SERPINE2: variants seen among roughly 807,000 people sequenced by gnomAD.
SERPINE2 encodes the protein glia-derived nexin.
Under a neutral mutation model 36.3 loss-of-function variants are expected in SERPINE2, and 14 were observed. The observed-to-expected ratio is 0.39, with a 90% confidence interval of 0.25 to 0.60. The LOEUF (loss-of-function observed/expected upper bound fraction) is 0.60, where lower values mean the gene tolerates loss of function less well. Among genes scored for constraint, SERPINE2 ranks in the 20% least tolerant of loss-of-function variants. SERPINE2 has a pLI of 0.57. For missense variants in SERPINE2, 418 were observed against 499.6 expected, an observed-to-expected ratio of 0.84 and a Z score of 1.56; for synonymous variants, 192 against 191.8, an observed-to-expected ratio of 1.00 and a Z score of -0.01.
intron 2 of SERPINE2, among the ~76,000 whole-genome samples, chr2:223,999,640 A>G (rs1691031512): frequency 6.6e-6 from 1 of 152,222 alleles, no homozygotes; most frequent in Non-Finnish European, 1.5e-5. Context: ...GGAGGCTGAA[A>G]GACAATTCCA....
chr2:224,031,179 C>T (rs1166820954), intron 1 of SERPINE2: 3 of 985,292 alleles, frequency 3.0e-6, no homozygotes, highest in Non-Finnish European at 3.6e-6. Context: ...AGACCCGGGT[C>T]CAGGCTCTGG....
At chr2:224,001,619 AGT>A (rs1427688546) in intron 2 of SERPINE2, 21 bp downstream of exon 2, 3 of 1,600,272 alleles carry the variant, frequency 1.9e-6, no homozygotes, top group Non-Finnish European at 2.6e-6. Context: ...AGGCTCCGCC[AGT>A]GAGCAATTGT....
chr2:224,009,653 C>T (rs1313236615), intron 1 of SERPINE2, among the ~76,000 whole-genome samples: 1 of 151,884 alleles, frequency 6.6e-6, no homozygotes, highest in Non-Finnish European at 1.5e-5. Flanking sequence ...CGAGATTGTG[C>T]TACTGCACTC....
At chr2:223,975,969 G>A in intron 8 of SERPINE2, 65 bp from the exon 9 acceptor site, 1 of 1,437,236 alleles carries the variant, frequency 7.0e-7, no homozygotes, top group Non-Finnish European at 9.6e-7. Context: ...TAAGATGGAA[G>A]GTATTCTATT....
At chr2:224,000,220 C>T (rs1023753031) in intron 2 of SERPINE2, among the ~76,000 whole-genome samples, 7 of 152,136 alleles carry the variant, frequency 4.6e-5, no homozygotes, top group African/African-American at 1.4e-4. Context: ...TTGTTTCCAA[C>T]GAAGGGAGCA....
At chr2:223,998,489 G>C in intron 2 of SERPINE2, 147 bp from the exon 3 acceptor site, 1 of 627,264 alleles carries the variant, frequency 1.6e-6, no homozygotes, top group Non-Finnish European at 2.8e-6. Flanking sequence ...AGGCTGAGGT[G>C]GGTGGATTGC....
At chr2:224,031,672 C>A (rs1234544713) in intron 1 of SERPINE2, among the ~76,000 whole-genome samples, 5 of 152,106 alleles carry the variant, frequency 3.3e-5, no homozygotes, top group African/African-American at 1.2e-4. Context: ...TAGGACCTCA[C>A]TCCTCTGCCC....
In SERPINE2 at chr2:223,995,961, C is replaced by T. The variant is rs556016571; in HGVS notation, c.487+2154G>A. Among the ~76,000 whole-genome samples, 67 of 152,262 alleles carry T rather than the reference C, an allele frequency of 4.4e-4. 1 individual carries two copies. The Middle Eastern group carries it at 0.017, about 39-fold the overall frequency. ...TGTTTTCCTTTGTATTACAGTTTGG[C>T]ACTGTCTCAAATTTTTAAAAATTTG... On this transcript the variant is annotated intron_variant, in intron 3 of 8. Transcript: ENST00000409304.
chr2:224,009,225 G>A (rs1171956577), intron 1 of SERPINE2, among the ~76,000 whole-genome samples: 4 of 152,070 alleles, frequency 2.6e-5, no homozygotes, highest in Non-Finnish European at 5.9e-5. Context: ...ACCTTCTCAG[G>A]CACTGGGAAA....
At chr2:224,014,700 T>G (rs4674841) in intron 1 of SERPINE2, among the ~76,000 whole-genome samples, 144,456 of 152,274 alleles carry the variant, frequency 0.95, 68,811 homozygotes, top group Non-Finnish European at 0.99. Flanking sequence ...TTCTCCTGGG[T>G]CTCAAGTGCC....
intron 1 of SERPINE2, chr2:224,031,498 C>T (rs778939633): frequency 6.1e-6 from 6 of 985,604 alleles, no homozygotes; most frequent in Non-Finnish European, 7.2e-6. Flanking sequence ...ATTTGGGATT[C>T]AGCCAATCAT....
In SERPINE2 at chr2:224,038,740, G is replaced by C. The variant is rs1424757228; in HGVS notation, c.-23+359C>G. On this transcript the variant is annotated intron_variant, in intron 1 of 8. Transcript: ENST00000409304. ...GCTGGAAACCTCAGGTTCAGGGTCA[G>C]GGCCGGCTCGGATGGCCGGGCAGGA... is the stretch of plus-strand genomic sequence containing the variant. 11 of 558,326 alleles carry C rather than the reference G, an allele frequency of 2.0e-5. No homozygotes were observed. The African/African-American group carries it at 2.1e-4, about 11-fold the overall frequency. 34.6% of individuals were successfully genotyped at this position (558,326 alleles called of 1,614,324 possible).
chr2:223,996,709 G>C (rs13432690), intron 3 of SERPINE2, among the ~76,000 whole-genome samples: 40,033 of 152,116 alleles, frequency 0.26, 6,399 homozygotes, highest in African/African-American at 0.45. Flanking sequence ...AAGAAACATA[G>C]CCTGAAAGGC....
chr2:223,998,605 C>A (rs1224519770), intron 2 of SERPINE2, among the ~76,000 whole-genome samples: 1 of 151,956 alleles, frequency 6.6e-6, no homozygotes, highest in African/African-American at 2.4e-5. Flanking sequence ...ATACCAACTA[C>A]TTGAGGAGGC....
rs1471795770 is a variant in SERPINE2 at position 224,001,819 on chromosome 2, C to G, written c.82G>C (p.Glu28Gln). 1 of 1,613,872 alleles carries G rather than the reference C, an allele frequency of 6.2e-7. No homozygotes were observed. Among genetic ancestry groups the G allele is most frequent in the African/African-American group, 1.3e-5 (1 of 74,836 alleles). ...ICSHFNPLSL[E>Q]ELGSNTGIQV... ...ATCCCCGTGTTGGAGCCTAGTTCCTCGAGAGACAGAGGATTGAAGTGGGAG... is the reference window on the plus strand; with the variant it reads ...ATCCCCGTGTTGGAGCCTAGTTCCTGGAGAGACAGAGGATTGAAGTGGGAG... Residue 28 changes from glutamate (E) to glutamine (Q), a missense_variant, in exon 2 of 9, where the codon GAG (glutamate) becomes CAG (glutamine). Coordinates refer to ENST00000409304, the MANE Select transcript of SERPINE2 (RefSeq NM_001136528.2).
intron 1 of SERPINE2, among the ~76,000 whole-genome samples, chr2:224,014,529 CA>C (rs1164157331): frequency 6.6e-6 from 1 of 152,198 alleles, no homozygotes; most frequent in Non-Finnish European, 1.5e-5. Flanking sequence ...TCAGAGGGAT[CA>C]TTGTGTGGCG....
intron 1 of SERPINE2, among the ~76,000 whole-genome samples, chr2:224,005,065 T>TTATATATTTTTTTATATATATATA (rs1553547022): frequency 3.0e-5 from 1 of 33,560 alleles, no homozygotes; most frequent in South Asian, 8.7e-4. Flanking sequence ...TTTATATATA[T>TTATATATTTTTTTATATATATATA]TATATATATA....
intron 4 of SERPINE2, among the ~76,000 whole-genome samples, chr2:223,986,850 T>TC (rs34634874): frequency 6.6e-6 from 1 of 151,932 alleles, no homozygotes; most frequent in Non-Finnish European, 1.5e-5. Context: ...ATGACTGATT[T>TC]CCCCCCACTC....
intron 1 of SERPINE2, among the ~76,000 whole-genome samples, chr2:224,031,965 A>G (rs1692394917): frequency 6.6e-6 from 1 of 152,216 alleles, no homozygotes; most frequent in African/African-American, 2.4e-5. Flanking sequence ...CTTCAGGGCC[A>G]GAGTCACCTC....
Sources: gnomAD v4.1 joint callset for allele counts (sites outside exome capture counted in the v4.1 genomes callset) on GRCh38, gnomAD v4.1.1 for gene constraint, MANE v1.5 for transcripts, NCBI Gene and HGNC (gene_info 2026-07-23, HGNC 2026-07-21) for gene names.